The following PIK3C2G variants were observed in gnomAD, a reference collection of about 807,000 sequenced individuals.
The protein encoded by PIK3C2G is phosphatidylinositol-4-phosphate 3-kinase catalytic subunit type 2 gamma.
In PIK3C2G, 168 loss-of-function variants were observed where a neutral mutation model predicts 181.1. The ratio of observed to expected loss-of-function variants is 0.93; its 90% CI spans 0.82 to 1.05. The LOEUF is 1.05. Ranked by LOEUF, PIK3C2G falls within the 50% of genes least tolerant of loss-of-function variation. PIK3C2G has a pLI of 0.00. For missense variants in PIK3C2G, 1,869 were observed against 1,732.8 expected, an observed-to-expected ratio of 1.08 and a Z score of -1.40; for synonymous variants, 573 against 592.2, an observed-to-expected ratio of 0.97 and a Z score of 0.47.
At chr12:18,721,972 G>A in the PIK3C2G span, among the ~76,000 whole-genome samples, 1 of 152,102 alleles carries the variant, frequency 6.6e-6, no homozygotes, top group East Asian at 1.9e-4. Context: ...ATCTCTGCCA[G>A]TCTCTCCAAA....
intron 26 of PIK3C2G, among the ~76,000 whole-genome samples, chr12:18,553,750 T>A (rs1476962948): frequency 6.6e-6 from 1 of 152,092 alleles, no homozygotes; most frequent in East Asian, 1.9e-4. Context: ...TTGTAGGAGT[T>A]CAAGAGAGCA....
chr12:18,587,622 A>G (rs1029210592), intron 29 of PIK3C2G, among the ~76,000 whole-genome samples: 3 of 152,132 alleles, frequency 2.0e-5, no homozygotes, highest in African/African-American at 7.2e-5. Flanking sequence ...AAATGGCCAT[A>G]CTGCTCAAAA....
At chr12:18,665,817 C>T in the PIK3C2G span, among the ~76,000 whole-genome samples, 4 of 151,872 alleles carry the variant, frequency 2.6e-5, no homozygotes, top group African/African-American at 9.7e-5. Context: ...CACCTGTAGT[C>T]CCAGGTACTT....
chr12:18,641,624 A>G (rs938774009), intron 32 of PIK3C2G, among the ~76,000 whole-genome samples: 1 of 151,078 alleles, frequency 6.6e-6, no homozygotes. Flanking sequence ...ATCCATCCTC[A>G]TCTCCTCTTC....
Position 18,491,796 on chromosome 12 carries a change from G to GAA in PIK3C2G, c.2793+250_2793+251dup, listed in dbSNP as rs572953243. ...GAAACAAACTATCCATCAGTTCAGT[G>GAA]AAAAAAAAAAAAATAGAGGAACATA... is the stretch of plus-strand genomic sequence containing the variant. On this transcript the variant is annotated intron_variant, in intron 20 of 32. Coordinates refer to ENST00000538779, the MANE Select transcript of PIK3C2G (RefSeq NM_001288772.2). Among the ~76,000 whole-genome samples the GAA allele has an allele frequency of 5.8e-3, 809 of 139,716 alleles. 5 individuals are homozygous for GAA. Among genetic ancestry groups the GAA allele is most frequent in the African/African-American group, 0.02 (764 of 38,202 alleles). 91.7% of individuals were successfully genotyped at this position (139,716 alleles called of 152,430 possible). A position where few individuals can be genotyped will look rare whatever the true frequency, so the allele number is the denominator to read the frequency against.
intron 24 of PIK3C2G, among the ~76,000 whole-genome samples, chr12:18,533,013 C>G (rs1943642379): frequency 6.6e-6 from 1 of 151,554 alleles, no homozygotes; most frequent in African/African-American, 2.4e-5. Flanking sequence ...CCAGAAAACT[C>G]ACCTCCATGT....
At chr12:18,690,195 A>G in the PIK3C2G span, among the ~76,000 whole-genome samples, 68 of 152,008 alleles carry the variant, frequency 4.5e-4, no homozygotes, top group Non-Finnish European at 8.7e-4. Flanking sequence ...AAGGTGGAAC[A>G]AAACACATCT....
the PIK3C2G span, chr12:18,723,229 CT>C: frequency 2.4e-6 from 3 of 1,231,334 alleles, no homozygotes; most frequent in South Asian, 4.0e-5. Context: ...CATAAAAATA[CT>C]TTGCTTTGAA....
rs1950251727 is a variant in PIK3C2G at position 18,648,151 on chromosome 12, A to G, written c.*123A>G. 1.1e-5 allele frequency: 5 copies of G among 454,558 alleles called. No individual in the cohort carries two copies. The East Asian group carries it at 1.8e-4, about 16-fold the overall frequency. 28.2% of individuals were successfully genotyped at this position (454,558 alleles called of 1,614,324 possible). ...ACAGCACAGGGTATTAAGGACACAGAAAAAAAATCAGAATTAGTCTTTTGT... is the reference window on the plus strand; with the variant it reads ...ACAGCACAGGGTATTAAGGACACAGGAAAAAAATCAGAATTAGTCTTTTGT... On this transcript the variant is annotated 3_prime_UTR_variant, in exon 33 of 33. Transcript: ENST00000538779.
rs1949265723 is a variant in PIK3C2G at position 18,282,552 on chromosome 12, G to A, written c.471G>A (p.Glu157=). Residue 157 remains glutamate, a synonymous_variant, in exon 2 of 33, where the codon GAG becomes GAA. Coordinates refer to ENST00000538779, the MANE Select transcript of PIK3C2G (RefSeq NM_001288772.2). ...SFTSLDKINL[E]KELENENHNY... Reference sequence around the variant, plus strand: ...CAAGTTTGGATAAAATTAATCTAGAGAAAGAATTAGAAAATGAAAATCATA... The same window carrying A: ...CAAGTTTGGATAAAATTAATCTAGAAAAAGAATTAGAAAATGAAAATCATA... 1 of 1,610,988 alleles carries A rather than the reference G, an allele frequency of 6.2e-7. No homozygotes were observed. The highest frequency in any genetic ancestry group is 1.1e-5 in the South Asian group (1 of 91,006).
chr12:18,584,935 A>G (rs1257984800), intron 29 of PIK3C2G, among the ~76,000 whole-genome samples: 1 of 152,140 alleles, frequency 6.6e-6, no homozygotes. Flanking sequence ...TTTTATATGA[A>G]CCAAATTAAG....
chr12:18,679,898 T>C, the PIK3C2G span, among the ~76,000 whole-genome samples: 1 of 151,918 alleles, frequency 6.6e-6, no homozygotes, highest in African/African-American at 2.4e-5. Context: ...TAAAAGAAAA[T>C]CTATCTCTTC....
chr12:18,628,351 T>A (rs1466576049), intron 31 of PIK3C2G, among the ~76,000 whole-genome samples: 2 of 152,172 alleles, frequency 1.3e-5, no homozygotes, highest in Non-Finnish European at 1.5e-5. Context: ...TATAAACAGT[T>A]TAAAATGTGC....
the PIK3C2G span, among the ~76,000 whole-genome samples, chr12:18,658,789 C>T: frequency 6.6e-6 from 1 of 152,062 alleles, no homozygotes; most frequent in Non-Finnish European, 1.5e-5. Flanking sequence ...GAATGCTATA[C>T]TTTAGCTTAG....
intron 32 of PIK3C2G, among the ~76,000 whole-genome samples, chr12:18,647,667 CA>C (rs34943761): frequency 0.12 from 17,561 of 151,916 alleles, 1,268 homozygotes; most frequent in African/African-American, 0.2. Flanking sequence ...AGGATTCTTA[CA>C]AAAATAGCCT....
intron 18 of PIK3C2G, among the ~76,000 whole-genome samples, chr12:18,477,313 T>A (rs144750195): frequency 2.0e-5 from 3 of 152,172 alleles, no homozygotes; most frequent in Non-Finnish European, 4.4e-5. Flanking sequence ...GACATGATTA[T>A]CATCATTTTA....
chr12:18,620,539 T>TAGAC (rs1239458292), intron 31 of PIK3C2G, among the ~76,000 whole-genome samples: 11 of 137,316 alleles, frequency 8.0e-5, no homozygotes, highest in African/African-American at 3.6e-4. Flanking sequence ...GATAGATAGA[T>TAGAC]AGATAGATAG....
At chr12:18,320,815 T>C (rs1951076801) in intron 6 of PIK3C2G, 147 bp from the exon 7 acceptor site, 3 of 573,482 alleles carry the variant, frequency 5.2e-6, no homozygotes, top group Non-Finnish European at 9.3e-6. Flanking sequence ...GAGAGCCTTT[T>C]AAGGTCTTTC....
intron 18 of PIK3C2G, among the ~76,000 whole-genome samples, chr12:18,485,863 A>G (rs1939971146): frequency 6.6e-6 from 1 of 152,146 alleles, no homozygotes; most frequent in Non-Finnish European, 1.5e-5. Flanking sequence ...TAAACCTTAA[A>G]AGAGAGTGGC....
Sources: allele counts gnomAD v4.1 joint callset (sites outside exome capture counted in the v4.1 genomes callset), GRCh38; gene constraint gnomAD v4.1.1; transcripts MANE v1.5; gene names NCBI Gene and HGNC (gene_info 2026-07-23, HGNC 2026-07-21).